MTAP: variants seen among roughly 807,000 people sequenced by gnomAD.
The protein encoded by MTAP is S-methyl-5'-thioadenosine phosphorylase.
A neutral mutation model predicts 33.6 loss-of-function variants in MTAP; 33 were observed. The ratio of observed to expected loss-of-function variants is 0.98; its 90% CI spans 0.74 to 1.31. MTAP has a LOEUF of 1.31. Among genes scored for constraint, MTAP ranks in the 40% most tolerant of loss-of-function variants. The pLI is 0.00. For synonymous variants in MTAP, 148 were observed against 125.7 expected, an observed-to-expected ratio of 1.18 and a Z score of -1.19; for missense variants, 367 against 360.0, an observed-to-expected ratio of 1.02 and a Z score of -0.16.
At chr9:21,839,190 A>ATTTTTT (rs1349545888) in intron 5 of MTAP, among the ~76,000 whole-genome samples, 8 of 107,950 alleles carry the variant, frequency 7.4e-5, no homozygotes, top group African/African-American at 4.0e-4. Flanking sequence ...TTTTTTTTTA[A>ATTTTTT]AAAAGTGGCA....
intron 1 of MTAP, among the ~76,000 whole-genome samples, chr9:21,914,696 G>A (rs1818644357): frequency 6.6e-6 from 1 of 151,610 alleles, no homozygotes; most frequent in Non-Finnish European, 1.5e-5. Context: ...GAGTTAATGG[G>A]TGCAGCACAC....
intron 5 of MTAP, among the ~76,000 whole-genome samples, chr9:21,844,238 A>T (rs1362980479): frequency 6.6e-6 from 1 of 152,174 alleles, no homozygotes; most frequent in Non-Finnish European, 1.5e-5. Context: ...CAGTAATTTT[A>T]AAAAATTGCC....
At chr9:21,886,172 C>T (rs1278676227) in intron 1 of MTAP, among the ~76,000 whole-genome samples, 2 of 151,204 alleles carry the variant, frequency 1.3e-5, no homozygotes, top group East Asian at 2.0e-4. Flanking sequence ...GGTCGTATCA[C>T]GTTGTGGTTT....
At chr9:21,925,593 G>A (rs1818857085) in intron 1 of MTAP, among the ~76,000 whole-genome samples, 1 of 152,206 alleles carries the variant, frequency 6.6e-6, no homozygotes, top group African/African-American at 2.4e-5. Context: ...CCAAGACACT[G>A]GAAGACAAAC....
At position 21,885,430 on chromosome 9, in the gene MTAP, AT is replaced by A. The variant is rs371437736; in HGVS notation, c.147+30569del. ...TCTGGGGTGGGGCCCAATAATTTGC[AT>A]TTTTTTTTATTTCAATAGTTTTTGG... On this transcript the variant is annotated intron_variant, in intron 1 of 1. Coordinates refer to the MTAP transcript ENST00000577563. Among the ~76,000 whole-genome samples the A allele has an allele frequency of 2.5e-3, 377 of 151,350 alleles. 2 individuals are homozygous for A. Among genetic ancestry groups the A allele is most frequent in the African/African-American group, 8.4e-3 (348 of 41,280 alleles).
chr9:21,850,525 C>G (rs1287565216), intron 5 of MTAP, among the ~76,000 whole-genome samples: 2 of 152,170 alleles, frequency 1.3e-5, no homozygotes, highest in East Asian at 1.9e-4. Flanking sequence ...CCCAGCAAAT[C>G]CAATGGTCCT....
chr9:21,929,090 A>G (rs185415187), intron 1 of MTAP, among the ~76,000 whole-genome samples: 56 of 152,110 alleles, frequency 3.7e-4, no homozygotes, highest in African/African-American at 1.3e-3. Context: ...TGGGGGGGCC[A>G]CTTCACTGCT....
chr9:21,850,492 G>T (rs1353761288), intron 5 of MTAP, among the ~76,000 whole-genome samples: 2 of 152,192 alleles, frequency 1.3e-5, no homozygotes, highest in Non-Finnish European at 2.9e-5. Context: ...TGTGCAAACT[G>T]CTGTGCCATT....
downstream of MTAP, among the ~76,000 whole-genome samples, chr9:21,870,393 C>T (rs1444124776): frequency 6.6e-6 from 1 of 152,198 alleles, no homozygotes; most frequent in Non-Finnish European, 1.5e-5. Context: ...TCCTAAATGA[C>T]CAGACTAGTG....
At chr9:21,905,111 A>G (rs576048170) in intron 1 of MTAP, among the ~76,000 whole-genome samples, 285 of 152,308 alleles carry the variant, frequency 1.9e-3, no homozygotes, top group Non-Finnish European at 2.9e-3. Flanking sequence ...AATCAGCTCA[A>G]TTAGACCCTC....
intron 1 of MTAP, among the ~76,000 whole-genome samples, chr9:21,926,716 A>T (rs1030287867): frequency 1.1e-4 from 17 of 152,142 alleles, no homozygotes; most frequent in African/African-American, 4.1e-4. Flanking sequence ...ATGACAGATG[A>T]CCTGTTAATC....
intron 1 of MTAP, among the ~76,000 whole-genome samples, chr9:21,890,225 A>G (rs1269069583): frequency 6.6e-6 from 1 of 152,020 alleles, no homozygotes; most frequent in Non-Finnish European, 1.5e-5. Flanking sequence ...AAGTGGGGGA[A>G]AGCTGATAGT....
rs534560040 is a variant in MTAP, at chr9:21,840,629, C to T, written c.450+2619C>T. ...CAGCTTGAGTCCAGGGAAGCCAGCCCTGACTATATCTCACAGTGGCCCTCA... is the reference window on the plus strand; with the variant it reads ...CAGCTTGAGTCCAGGGAAGCCAGCCTTGACTATATCTCACAGTGGCCCTCA... On this transcript the variant is annotated intron_variant, in intron 5 of 7. Transcript: ENST00000644715. Among the ~76,000 whole-genome samples, 46 of 152,326 alleles carry T rather than the reference C, an allele frequency of 3.0e-4. 3 individuals are homozygous for T. The Middle Eastern group carries it at 0.031, about 102-fold the overall frequency.
chr9:21,897,255 C>G (rs1818311617), intron 1 of MTAP, among the ~76,000 whole-genome samples: 1 of 152,130 alleles, frequency 6.6e-6, no homozygotes, highest in South Asian at 2.1e-4. Context: ...CTATTTATGA[C>G]AAACCCACAG....
intron 4 of MTAP, among the ~76,000 whole-genome samples, chr9:21,821,776 G>C (rs1476378334): frequency 6.6e-6 from 1 of 152,102 alleles, no homozygotes; most frequent in African/African-American, 2.4e-5. Context: ...TGGTTGGTAG[G>C]CTATTAATTA....
chr9:21,833,326 G>T (rs1825020031), intron 4 of MTAP, among the ~76,000 whole-genome samples: 1 of 152,166 alleles, frequency 6.6e-6, no homozygotes, highest in African/African-American at 2.4e-5. Flanking sequence ...GGGACTACAA[G>T]GGTGTGACAC....
intron 5 of MTAP, among the ~76,000 whole-genome samples, chr9:21,848,430 G>A (rs547760444): frequency 2.0e-5 from 3 of 152,280 alleles, no homozygotes; most frequent in East Asian, 3.9e-4. Flanking sequence ...TTATTGATTT[G>A]GGCCCACTAA....
chr9:21,924,383 G>A (rs762498633), intron 1 of MTAP, among the ~76,000 whole-genome samples: 1 of 152,184 alleles, frequency 6.6e-6, no homozygotes, highest in Non-Finnish European at 1.5e-5. Flanking sequence ...TCACAGCCTG[G>A]TTTTAATACA....
chr9:21,859,309 G>A lies in MTAP; in HGVS notation c.697G>A (p.Val233Met), dbSNP rs767317262. Residue 233 changes from valine to methionine, a missense_variant, in exon 7 of 8, where the codon GTG becomes ATG. Coordinates refer to ENST00000644715, the MANE Select transcript of MTAP (RefSeq NM_002451.4). ...CWKEHEEAVS[V>M]DRVLKTLKEN... ...AGTGCTATTGTTTCTCTAGGTTTCG[G>A]TGGACCGGGTCTTAAAGACCCTGAA... 1 of 1,608,292 alleles carries A rather than the reference G, an allele frequency of 6.2e-7. No homozygotes were observed. Among genetic ancestry groups the A allele is most frequent in the Non-Finnish European group, 8.5e-7 (1 of 1,178,256 alleles).
Sources: allele counts gnomAD v4.1 joint callset (sites outside exome capture counted in the v4.1 genomes callset), GRCh38; gene constraint gnomAD v4.1.1; transcripts MANE v1.5; gene names NCBI Gene and HGNC (gene_info 2026-07-23, HGNC 2026-07-21).